TENM3: variants seen among roughly 807,000 people sequenced by gnomAD.
TENM3 encodes teneurin-3.
TENM3 carries 63 observed loss-of-function variants against 255.1 expected under a neutral mutation model. The ratio of observed to expected loss-of-function variants is 0.25; its 90% CI spans 0.20 to 0.30. The LOEUF (loss-of-function observed/expected upper bound fraction) is 0.30. Among genes scored for constraint, TENM3 ranks in the 10% least tolerant of loss-of-function variants. The probability of loss-of-function intolerance (pLI) is 1.00; values close to 1 mark genes in which losing one functional copy is unlikely to be tolerated. For synonymous variants in TENM3, 1,306 were observed against 1,322.3 expected, an observed-to-expected ratio of 0.99 and a Z score of 0.27; for missense variants, 2,929 against 3,461.1, an observed-to-expected ratio of 0.85 and a Z score of 3.86.
At chr4:181,974,680 G>A in the TENM3 span, among the ~76,000 whole-genome samples, 1 of 152,164 alleles carries the variant, frequency 6.6e-6, no homozygotes, top group Non-Finnish European at 1.5e-5. Flanking sequence ...AGGCTCCTTG[G>A]CTATGTAAAG....
At chr4:182,576,917 G>A (rs1414956142) in intron 3 of TENM3, among the ~76,000 whole-genome samples, 2 of 152,144 alleles carry the variant, frequency 1.3e-5, no homozygotes, top group East Asian at 1.9e-4. Context: ...AGCGGAACAA[G>A]GCAAGGCCCA....
At chr4:182,385,187 G>T (rs1296259665) in intron 3 of TENM3, among the ~76,000 whole-genome samples, 1 of 150,374 alleles carries the variant, frequency 6.7e-6, no homozygotes, top group African/African-American at 2.4e-5. Flanking sequence ...CAAGAATGTT[G>T]AGTTGAGAAT....
the TENM3 span, among the ~76,000 whole-genome samples, chr4:181,742,018 T>C: frequency 6.6e-6 from 1 of 152,242 alleles, no homozygotes; most frequent in Non-Finnish European, 1.5e-5. Context: ...AGGCATCTTA[T>C]ACTATTTCTT....
the TENM3 span, among the ~76,000 whole-genome samples, chr4:181,826,650 T>A: frequency 6.6e-6 from 1 of 152,140 alleles, no homozygotes; most frequent in Non-Finnish European, 1.5e-5. Context: ...CAACCAGCGT[T>A]TTGTTGATTA....
upstream of TENM3, chr4:182,143,804 A>G (rs1456176395): frequency 1.3e-5 from 2 of 152,612 alleles, no homozygotes; most frequent in African/African-American, 4.8e-5. The surrounding 1 kb of genome is among the most constrained non-coding windows in gnomAD (Gnocchi z 4.3). Flanking sequence ...AAAGCCGGCA[A>G]GAGCCATTCA....
At chr4:182,025,170 A>G in the TENM3 span, among the ~76,000 whole-genome samples, 2 of 151,864 alleles carry the variant, frequency 1.3e-5, no homozygotes. Context: ...CTGGGACTAC[A>G]GGCGCCCACC....
the TENM3 span, among the ~76,000 whole-genome samples, chr4:181,783,740 C>G: frequency 9.2e-5 from 14 of 152,262 alleles, no homozygotes; most frequent in African/African-American, 3.1e-4. Context: ...GTTGTCCAGG[C>G]GAGAGTGCAG....
intron 24 of TENM3, among the ~76,000 whole-genome samples, chr4:182,788,478 G>T (rs771407341): frequency 6.6e-6 from 1 of 152,204 alleles, no homozygotes; most frequent in Non-Finnish European, 1.5e-5. Context: ...TCATGTGTAT[G>T]TGTTAGTAAA....
chr4:181,947,918 T>C, the TENM3 span, among the ~76,000 whole-genome samples: 1 of 152,126 alleles, frequency 6.6e-6, no homozygotes, highest in African/African-American at 2.4e-5. Context: ...AAAGTTTAGA[T>C]TCAAACAAAC....
intron 3 of TENM3, among the ~76,000 whole-genome samples, chr4:182,514,262 G>A (rs1235060811): frequency 1.3e-5 from 2 of 152,210 alleles, no homozygotes; most frequent in Admixed American, 6.5e-5. Flanking sequence ...GAGATGTGTA[G>A]GAGTGAGAAT....
chr4:181,753,196 T>TG, the TENM3 span, among the ~76,000 whole-genome samples: 8 of 152,210 alleles, frequency 5.3e-5, no homozygotes, highest in African/African-American at 1.7e-4. Context: ...GATCTGCACC[T>TG]GGTATTCAGC....
the TENM3 span, among the ~76,000 whole-genome samples, chr4:181,727,528 G>T: frequency 6.6e-6 from 1 of 152,150 alleles, no homozygotes; most frequent in Non-Finnish European, 1.5e-5. Flanking sequence ...AAAATAATTA[G>T]ATGATTTTAT....
the TENM3 span, among the ~76,000 whole-genome samples, chr4:181,477,990 G>A: frequency 2.6e-5 from 4 of 152,170 alleles, no homozygotes; most frequent in Non-Finnish European, 5.9e-5. Context: ...TTTGCAGCTT[G>A]CTTGTGTACA....
the TENM3 span, among the ~76,000 whole-genome samples, chr4:181,596,777 T>C: frequency 6.6e-6 from 1 of 152,162 alleles, no homozygotes; most frequent in Non-Finnish European, 1.5e-5. Context: ...TCATGTCCTT[T>C]GCAGGAACAT....
the TENM3 span, among the ~76,000 whole-genome samples, chr4:181,786,366 C>T: frequency 1.3e-5 from 2 of 152,204 alleles, no homozygotes; most frequent in Non-Finnish European, 2.9e-5. Context: ...CACATGTGCA[C>T]GGGAGTCATA....
intron 3 of TENM3, among the ~76,000 whole-genome samples, chr4:182,578,930 A>G (rs113597242): frequency 6.6e-6 from 1 of 152,174 alleles, no homozygotes; most frequent in African/African-American, 2.4e-5. Context: ...CTACACTTTA[A>G]GCCTTCGAAA....
intron 3 of TENM3, among the ~76,000 whole-genome samples, chr4:182,368,053 A>G (rs1175215124): frequency 6.6e-6 from 1 of 152,222 alleles, no homozygotes; most frequent in Non-Finnish European, 1.5e-5. Context: ...GTAAGACCCT[A>G]GCGATTGAAT....
At position 182,672,972 on chromosome 4, in the gene TENM3, T is replaced by A. The variant is rs542477781; in HGVS notation, c.1112-33T>A. 8.0e-4 allele frequency: 1,122 copies of A among 1,405,152 alleles called. 19 individuals are homozygous for A. In the South Asian group the frequency reaches 0.014, roughly 18 times the overall value. The allele number at this position is 1,405,152 out of a possible 1,614,324, so 87.0% of individuals were successfully genotyped here. A position where few individuals can be genotyped will look rare whatever the true frequency, so the allele number is the denominator to read the frequency against. On this transcript the variant is annotated intron_variant, in intron 6 of 27. Transcript: ENST00000511685. ...TTTTGTTTTGTTTTTTTAAAAAAAA[T>A]TTGTTCTTCATCAGTGCATCTCTTA...
intron 4 of TENM3, among the ~76,000 whole-genome samples, chr4:182,625,788 C>T (rs1750762402): frequency 6.6e-6 from 1 of 152,102 alleles, no homozygotes; most frequent in Admixed American, 6.5e-5. Context: ...CCTTTTAAAT[C>T]CTCTCCAGTG....
Sources: gnomAD v4.1 joint callset for allele counts (sites outside exome capture counted in the v4.1 genomes callset) on GRCh38, gnomAD v4.1.1 for gene constraint, Gnocchi (gnomAD v3.1) non-coding constraint, MANE v1.5 for transcripts, NCBI Gene and HGNC (gene_info 2026-07-23, HGNC 2026-07-21) for gene names.